The following CCNB2 variants were observed in gnomAD, a reference collection of about 807,000 sequenced individuals.
CCNB2 encodes the protein cyclin B2.
Under a neutral mutation model 51.1 loss-of-function variants are expected in CCNB2, and 39 were observed. The ratio of observed to expected loss-of-function variants is 0.76; its 90% CI spans 0.59 to 1.00. The LOEUF (loss-of-function observed/expected upper bound fraction) is 1.00. Among genes scored for constraint, CCNB2 ranks in the 50% least tolerant of loss-of-function variants. The pLI is 0.00. For synonymous variants in CCNB2, 174 were observed against 165.5 expected, an observed-to-expected ratio of 1.05 and a Z score of -0.40; for missense variants, 472 against 470.3, an observed-to-expected ratio of 1.00 and a Z score of -0.03.
intron 3 of CCNB2, 69 bp from the exon 4 acceptor site, chr15:59,114,375 A>C: frequency 8.4e-7 from 1 of 1,193,460 alleles, no homozygotes; most frequent in East Asian, 2.4e-5. Context: ...ATTGATATTT[A>C]AGCCAGTTGG....
intron 3 of CCNB2, among the ~76,000 whole-genome samples, chr15:59,109,980 G>T (rs2079251545): frequency 1.3e-5 from 2 of 152,022 alleles, no homozygotes; most frequent in African/African-American, 4.8e-5. Context: ...GCGAGACTCT[G>T]TCTCAAAAAA....
At chr15:59,124,578 A>C in intron 8 of CCNB2, 189 bp from the exon 9 acceptor site, 1 of 591,752 alleles carries the variant, frequency 1.7e-6, no homozygotes, top group Admixed American at 2.9e-5. Context: ...TGTTTTATTC[A>C]TTAATGGGGA....
At chr15:59,121,546 C>A (rs2079301882) in intron 7 of CCNB2, 1 of 152,196 alleles carries the variant, frequency 6.6e-6, no homozygotes, top group Non-Finnish European at 1.5e-5. Flanking sequence ...CCTGTAGTTT[C>A]AGCAGTTTTG....
intron 7 of CCNB2, 22 bp from the exon 8 acceptor site, chr15:59,123,493 GTC>G: frequency 7.1e-7 from 1 of 1,415,820 alleles, no homozygotes; most frequent in Non-Finnish European, 1.0e-6. Context: ...AGTCATGTCT[GTC>G]TGTCTGCTTC....
chr15:59,123,633 T>G lies in CCNB2; in HGVS notation c.1086+6T>G, dbSNP rs766087971. 2 of 1,559,794 alleles carry G rather than the reference T, an allele frequency of 1.3e-6. No homozygotes were observed. The highest frequency in any genetic ancestry group is 1.8e-6 in the Non-Finnish European group (2 of 1,134,544). ...AAAACTTAACTAAATTCATCGTAAGTACTACTGTTTTCTTAAGCTGTGGAA... is the reference window on the plus strand; with the variant it reads ...AAAACTTAACTAAATTCATCGTAAGGACTACTGTTTTCTTAAGCTGTGGAA... On this transcript the variant is annotated splice_donor_region_variant and intron_variant, in intron 8 of 8. Transcript: ENST00000288207.
At chr15:59,109,919 G>A (rs1249965513) in intron 3 of CCNB2, among the ~76,000 whole-genome samples, 1 of 152,068 alleles carries the variant, frequency 6.6e-6, no homozygotes, top group Non-Finnish European at 1.5e-5. Context: ...CCTGGGGGCC[G>A]GAGCCTGCAG....
At chr15:59,119,474 AAAAC>A (rs1249704174) in intron 7 of CCNB2, among the ~76,000 whole-genome samples, 41 of 151,182 alleles carry the variant, frequency 2.7e-4, no homozygotes, top group African/African-American at 6.4e-4. Flanking sequence ...AAAAAAAAAA[AAAAC>A]AAATCTGTAA....
intron 4 of CCNB2, 38 bp downstream of exon 4, chr15:59,114,652 TGGAATTTACCACACA>T: frequency 6.3e-7 from 1 of 1,587,200 alleles, no homozygotes. Context: ...ATAAGCAATG[TGGAATTTACCACACA>T]GCTGGGAAGC....
chr15:59,112,573 C>A (rs1889545562), intron 3 of CCNB2, among the ~76,000 whole-genome samples: 1 of 151,904 alleles, frequency 6.6e-6, no homozygotes, highest in Admixed American at 6.5e-5. Context: ...TTTCAAACTT[C>A]TGACCTCGTG....
chr15:59,122,677 T>C (rs2079308326), intron 7 of CCNB2, among the ~76,000 whole-genome samples: 1 of 151,878 alleles, frequency 6.6e-6, no homozygotes, highest in African/African-American at 2.4e-5. Context: ...ACTGGGACTA[T>C]AGGTGTACAC....
At chr15:59,116,053 G>A (rs1435553956) in intron 5 of CCNB2, 2 of 151,446 alleles carry the variant, frequency 1.3e-5, no homozygotes, top group African/African-American at 4.9e-5. Flanking sequence ...TTAATAATGA[G>A]AGTTGAAGCA....
At chr15:59,110,595 A>C (rs1450611244) in intron 3 of CCNB2, among the ~76,000 whole-genome samples, 1 of 152,136 alleles carries the variant, frequency 6.6e-6, no homozygotes, top group East Asian at 1.9e-4. Context: ...GGTTTCTATC[A>C]ATTTTCCTGG....
At chr15:59,105,944 G>T (rs537505286) in intron 1 of CCNB2, among the ~76,000 whole-genome samples, 1 of 152,218 alleles carries the variant, frequency 6.6e-6, no homozygotes, top group Non-Finnish European at 1.5e-5. Context: ...CAATGTGGCA[G>T]ACTGAGAGAA....
intron 3 of CCNB2, among the ~76,000 whole-genome samples, chr15:59,109,942 G>A (rs2079251364): frequency 6.6e-6 from 1 of 152,122 alleles, no homozygotes; most frequent in African/African-American, 2.4e-5. Context: ...AGCCGAGATT[G>A]TGCCACTGCA....
chr15:59,105,333 GGCCCCACA>G, intron 1 of CCNB2, 41 bp downstream of exon 1: 1 of 1,540,198 alleles, frequency 6.5e-7, no homozygotes. Context: ...CGAGTCCGTC[GGCCCCACA>G]GCTCCCCTGT....
chr15:59,110,823 T>C (rs2079254628), intron 3 of CCNB2, among the ~76,000 whole-genome samples: 1 of 152,062 alleles, frequency 6.6e-6, no homozygotes, highest in Non-Finnish European at 1.5e-5. Context: ...TTGGAGAAAA[T>C]GGTGTTTTTT....
chr15:59,120,208 G>T (rs2079296471), intron 7 of CCNB2, among the ~76,000 whole-genome samples: 1 of 152,146 alleles, frequency 6.6e-6, no homozygotes, highest in Non-Finnish European at 1.5e-5. Context: ...ATTATCTACT[G>T]GCAACTAGGG....
At chr15:59,123,700 G>A in intron 8 of CCNB2, 73 bp downstream of exon 8, 1 of 726,868 alleles carries the variant, frequency 1.4e-6, no homozygotes, top group East Asian at 2.9e-5. Context: ...GGGCGGGGGG[G>A]GGCGGTGTGT....
chr15:59,116,536 G>A (rs201274440), intron 5 of CCNB2, among the ~76,000 whole-genome samples, 154 bp from the exon 6 acceptor site: 2 of 77,786 alleles, frequency 2.6e-5, no homozygotes, highest in South Asian at 3.7e-4. Flanking sequence ...ACAGATAGCT[G>A]TCATGATCAG....
Sources: allele counts gnomAD v4.1 joint callset (sites outside exome capture counted in the v4.1 genomes callset), GRCh38; gene constraint gnomAD v4.1.1; transcripts MANE v1.5; gene names NCBI Gene and HGNC (gene_info 2026-07-23, HGNC 2026-07-21).